MEIS1: variants seen among roughly 807,000 people sequenced by gnomAD.
The protein encoded by MEIS1 is homeobox protein Meis1.
Under a neutral mutation model 50.8 loss-of-function variants are expected in MEIS1, and 5 were observed. That is an observed-to-expected ratio of 0.10 (90% CI 0.05 to 0.21). MEIS1 has a LOEUF of 0.21. Among genes scored for constraint, MEIS1 ranks in the 10% least tolerant of loss-of-function variants. The pLI, the probability that MEIS1 is intolerant of heterozygous loss-of-function variation, is 1.00. For synonymous variants in MEIS1, 176 were observed against 179.3 expected (o/e 0.98, Z 0.15); for missense variants, 318 against 517.3 (o/e 0.61, Z 3.74).
chr2:66,500,983 A>T (rs1432167660), intron 7 of MEIS1, among the ~76,000 whole-genome samples: 1 of 152,078 alleles, frequency 6.6e-6, no homozygotes, highest in African/African-American at 2.4e-5. Context: ...TTGTGTGAGC[A>T]TATGTGTGTG....
At chr2:66,456,427 TC>T (rs1279808563) in intron 6 of MEIS1, among the ~76,000 whole-genome samples, 1 of 152,126 alleles carries the variant, frequency 6.6e-6, no homozygotes, top group Non-Finnish European at 1.5e-5. Context: ...AAGATGCATT[TC>T]TAGATTAAAA....
At chr2:66,557,862 A>G (rs1048924081) in intron 9 of MEIS1, among the ~76,000 whole-genome samples, 2 of 152,216 alleles carry the variant, frequency 1.3e-5, no homozygotes, top group African/African-American at 4.8e-5. Context: ...ACACTGCTAG[A>G]AAACTTGCCG....
At chr2:66,540,422 G>T (rs1453547731) in intron 8 of MEIS1, among the ~76,000 whole-genome samples, 1 of 152,074 alleles carries the variant, frequency 6.6e-6, no homozygotes, top group South Asian at 2.1e-4. Flanking sequence ...GGATTCTCCT[G>T]CCTCAGCCTG....
intron 7 of MEIS1, among the ~76,000 whole-genome samples, chr2:66,469,924 A>C (rs1573154097): frequency 6.9e-6 from 1 of 144,786 alleles, no homozygotes; most frequent in East Asian, 1.9e-4. Flanking sequence ...GTTTCTAGAC[A>C]ATTTTCTTTA....
intron 9 of MEIS1, 39 bp from the exon 10 acceptor site, chr2:66,567,414 T>G: frequency 6.2e-7 from 1 of 1,600,870 alleles, no homozygotes; most frequent in Non-Finnish European, 8.5e-7. Flanking sequence ...CCCTTTTATT[T>G]TTAAGGAATA....
intron 8 of MEIS1, among the ~76,000 whole-genome samples, chr2:66,517,407 C>T (rs1056708391): frequency 6.6e-6 from 1 of 151,864 alleles, no homozygotes; most frequent in South Asian, 2.1e-4. Flanking sequence ...TATGAAGGTG[C>T]GAGAAGATTT....
intron 8 of MEIS1, among the ~76,000 whole-genome samples, chr2:66,544,672 T>A (rs1020016550): frequency 8.5e-5 from 13 of 152,298 alleles, no homozygotes; most frequent in African/African-American, 3.1e-4. Flanking sequence ...TGAAAATTTC[T>A]TAATGGAGAC....
chr2:66,519,826 G>C (rs1338483832), intron 8 of MEIS1, among the ~76,000 whole-genome samples: 1 of 152,102 alleles, frequency 6.6e-6, no homozygotes, highest in Non-Finnish European at 1.5e-5. Context: ...ATAGGTCTTG[G>C]TAACTGCTTG....
chr2:66,442,813 G>A (rs1405362789), intron 5 of MEIS1, 89 bp from the exon 6 acceptor site: 1 of 1,270,750 alleles, frequency 7.9e-7, no homozygotes, highest in Non-Finnish European at 1.1e-6. Flanking sequence ...TGGAAGTTTG[G>A]ATCTCACAAG....
At chr2:66,508,761 G>T (rs1021383894) in intron 7 of MEIS1, among the ~76,000 whole-genome samples, 15 of 152,240 alleles carry the variant, frequency 9.9e-5, no homozygotes, top group Non-Finnish European at 1.8e-4. Flanking sequence ...AACCATTAGC[G>T]GTTGGCTAAA....
intron 1 of MEIS1, chr2:66,437,362 T>A (rs1034657102): frequency 1.8e-5 from 4 of 226,842 alleles, no homozygotes; most frequent in Non-Finnish European, 2.6e-5. Flanking sequence ...CTGGCACGTT[T>A]TATTATTGTG....
At chr2:66,491,815 G>C (rs1314771028) in intron 7 of MEIS1, among the ~76,000 whole-genome samples, 1 of 151,952 alleles carries the variant, frequency 6.6e-6, no homozygotes. Flanking sequence ...TTCCACAATG[G>C]AGACAGTTGA....
intron 7 of MEIS1, among the ~76,000 whole-genome samples, chr2:66,474,577 A>C (rs1267876061): frequency 6.6e-6 from 1 of 152,210 alleles, no homozygotes; most frequent in Non-Finnish European, 1.5e-5. Context: ...CTCAGGAAAA[A>C]AAAAATGTAG....
intron 7 of MEIS1, among the ~76,000 whole-genome samples, chr2:66,508,107 G>A (rs1407752666): frequency 6.6e-6 from 1 of 152,224 alleles, no homozygotes; most frequent in African/African-American, 2.4e-5. Flanking sequence ...ATAGTGCATG[G>A]TTTTGATAGC....
chr2:66,503,871 A>C (rs2103836154), intron 7 of MEIS1, among the ~76,000 whole-genome samples: 1 of 150,456 alleles, frequency 6.6e-6, no homozygotes, highest in South Asian at 2.1e-4. Flanking sequence ...CATCCTCCCA[A>C]GTAGCTGGGA....
chr2:66,546,253 G>T (rs1382468073), intron 8 of MEIS1, among the ~76,000 whole-genome samples: 1 of 152,134 alleles, frequency 6.6e-6, no homozygotes, highest in African/African-American at 2.4e-5. Context: ...GTGACATTGG[G>T]GTAAGAATCT....
chr2:66,566,254 T>C (rs1675345046), intron 9 of MEIS1, among the ~76,000 whole-genome samples: 1 of 152,222 alleles, frequency 6.6e-6, no homozygotes, highest in Non-Finnish European at 1.5e-5. Context: ...ATATTGAGAA[T>C]CTTAAAATGT....
chr2:66,498,477 G>A (rs1365670286), intron 7 of MEIS1, among the ~76,000 whole-genome samples: 1 of 152,166 alleles, frequency 6.6e-6, no homozygotes, highest in Admixed American at 6.5e-5. Flanking sequence ...TAGGAGGCAA[G>A]AAGTGAGGTA....
chr2:66,509,059 G>C (rs1025810107), intron 7 of MEIS1: 2 of 471,524 alleles, frequency 4.2e-6, no homozygotes, highest in African/African-American at 4.0e-5. Context: ...AAAAAGGAAA[G>C]AAATTCTCGA....
Sources: allele counts gnomAD v4.1 joint callset (sites outside exome capture counted in the v4.1 genomes callset), GRCh38; gene constraint gnomAD v4.1.1; transcripts MANE v1.5; gene names NCBI Gene and HGNC (gene_info 2026-07-23, HGNC 2026-07-21).